RYR2: variants seen among roughly 807,000 people sequenced by gnomAD.
RYR2 encodes the protein ryanodine receptor 2, also known as cardiac muscle ryanodine receptor-calcium release channel.
Under a neutral mutation model 601.1 loss-of-function variants are expected in RYR2, and 227 were observed. The observed-to-expected ratio is 0.38, with a 90% CI of 0.34 to 0.42. The LOEUF (loss-of-function observed/expected upper bound fraction) is 0.42, where lower values mean the gene tolerates loss of function less well. RYR2 is among the 10% of genes least tolerant of loss of function. The probability of loss-of-function intolerance (pLI) is 1.00; values close to 1 mark genes in which losing one functional copy is unlikely to be tolerated. For synonymous variants in RYR2, 2,223 were observed against 2,175.1 expected (o/e 1.02, Z -0.61); for missense variants, 4,646 against 6,156.5 (o/e 0.75, Z 8.21).
intron 67 of RYR2, 94 bp downstream of exon 67, chr1:237,705,437 G>A: frequency 5.1e-6 from 5 of 987,248 alleles, no homozygotes; most frequent in Non-Finnish European, 4.5e-6. Flanking sequence ...AGCTCTTTCA[G>A]TTTACTATAT....
chr1:237,748,829 A>C (rs1314758843), intron 80 of RYR2, among the ~76,000 whole-genome samples: 1 of 152,186 alleles, frequency 6.6e-6, no homozygotes, highest in African/African-American at 2.4e-5. Context: ...ATATTCGAAA[A>C]AATATTTGCT....
intron 29 of RYR2, among the ~76,000 whole-genome samples, chr1:237,583,252 T>C (rs564393896): frequency 1.3e-5 from 2 of 152,268 alleles, no homozygotes; most frequent in East Asian, 1.9e-4. Context: ...CATGTTTTTT[T>C]GCCCATTTTT....
intron 4 of RYR2, among the ~76,000 whole-genome samples, chr1:237,357,755 T>C (rs1571963147): frequency 6.6e-6 from 1 of 152,330 alleles, no homozygotes; most frequent in Non-Finnish European, 1.5e-5. Flanking sequence ...TATAATCTTA[T>C]GTAGCCTCTT....
intron 3 of RYR2, among the ~76,000 whole-genome samples, chr1:237,345,407 G>T (rs927192829): frequency 4.0e-5 from 6 of 151,374 alleles, no homozygotes; most frequent in African/African-American, 1.5e-4. Flanking sequence ...CAAGGCTGAA[G>T]TGAGTGCTAC....
chr1:237,830,779 C>T, intron 103 of RYR2, 149 bp downstream of exon 103: 1 of 521,406 alleles, frequency 1.9e-6, no homozygotes, highest in Non-Finnish European at 3.4e-6. Flanking sequence ...TAATGGCTCT[C>T]TTTTCCTCTG....
At chr1:237,278,838 G>C (rs1690563397) in intron 2 of RYR2, among the ~76,000 whole-genome samples, 1 of 152,128 alleles carries the variant, frequency 6.6e-6, no homozygotes, top group Non-Finnish European at 1.5e-5. Flanking sequence ...GGACTTATTA[G>C]GGAATTGCTC....
Position 237,472,362 on chromosome 1 carries a change from T to C in RYR2, c.1708+3175T>C, listed in dbSNP as rs372453056. Among the ~76,000 whole-genome samples the C allele has an allele frequency of 3.9e-5, 6 of 152,264 alleles. No individual in the cohort carries two copies. In the South Asian group the frequency reaches 8.3e-4, roughly 21 times the overall value. ...GAAAAGGGATCAAAAGTAGGGTTAA[T>C]TGTCTTCCTGGGATCTAGACCATTC... On this transcript the variant is annotated intron_variant, in intron 17 of 104. Coordinates refer to ENST00000366574, the MANE Select transcript of RYR2 (RefSeq NM_001035.3).
At chr1:237,478,278 C>T (rs1012083272) in intron 17 of RYR2, among the ~76,000 whole-genome samples, 1 of 152,186 alleles carries the variant, frequency 6.6e-6, no homozygotes, top group South Asian at 2.1e-4. Flanking sequence ...AAGTCCAATC[C>T]CAGCTCCACC....
intron 25 of RYR2, among the ~76,000 whole-genome samples, chr1:237,531,548 A>G (rs1668140572): frequency 1.3e-5 from 2 of 152,180 alleles, no homozygotes; most frequent in Admixed American, 6.5e-5. Context: ...CATAATCTCT[A>G]TCAGTCACCT....
rs752684338 is a variant in RYR2 at position 237,614,184 on chromosome 1, C to T, written c.5056C>T (p.Leu1686Phe). ...LCSHVDEPQL[L>F]YAIENKYMPG... ...CAGCCATGTGGATGAACCTCAGCTC[C>T]TCTATGCCATTGAGAACAAGTACAT... Residue 1686 changes from leucine to phenylalanine, a missense_variant, in exon 37 of 105, where the codon CTC (leucine) becomes TTC (phenylalanine). Physicochemically the swap from Leu to Phe is conservative, Grantham distance 22 (BLOSUM62 0). This residue lies in a region of RYR2 where 1,807 missense variants were observed against 2,088.1 expected (regional missense o/e 0.87). Transcript: ENST00000366574. This position sits in a 1 kb window ranked among gnomAD's most constrained non-coding sequence, Gnocchi z 4.3. 16 of 1,613,904 alleles carry T rather than the reference C, an allele frequency of 9.9e-6. No individual in the cohort carries two copies. The highest frequency in any genetic ancestry group is 1.4e-5 in the Non-Finnish European group (16 of 1,179,902).
At chr1:237,804,042 TAA>T (rs1256183533) in intron 98 of RYR2, among the ~76,000 whole-genome samples, 2 of 152,102 alleles carry the variant, frequency 1.3e-5, no homozygotes, top group Admixed American at 6.5e-5. Context: ...CTTGCTAAAA[TAA>T]AAAAGAGACC....
chr1:237,187,231 C>T (rs886104807), intron 1 of RYR2, among the ~76,000 whole-genome samples: 2 of 150,102 alleles, frequency 1.3e-5, no homozygotes, highest in South Asian at 2.1e-4. Flanking sequence ...AGTGCAGTGG[C>T]GTGATCTCAG....
At chr1:237,520,954 T>C (rs962020182) in intron 24 of RYR2, among the ~76,000 whole-genome samples, 2 of 152,054 alleles carry the variant, frequency 1.3e-5, no homozygotes, top group Non-Finnish European at 2.9e-5. Context: ...GGAGAATTGC[T>C]TTAACCTGGG....
chr1:237,199,973 T>G (rs1437915323), intron 1 of RYR2, among the ~76,000 whole-genome samples: 1 of 152,210 alleles, frequency 6.6e-6, no homozygotes, highest in Non-Finnish European at 1.5e-5. Flanking sequence ...TTATAATATT[T>G]CTGTAGTACT....
intron 25 of RYR2, among the ~76,000 whole-genome samples, chr1:237,545,153 C>T (rs953264728): frequency 5.3e-5 from 8 of 152,174 alleles, no homozygotes; most frequent in African/African-American, 1.9e-4. Flanking sequence ...AATGCATCTC[C>T]ATAAGTTTTC....
intron 90 of RYR2, among the ~76,000 whole-genome samples, chr1:237,785,532 A>G (rs12074927): frequency 1.3e-5 from 2 of 152,232 alleles, no homozygotes; most frequent in Non-Finnish European, 2.9e-5. Flanking sequence ...ACTAACACAC[A>G]TGAAGAAACT....
At chr1:237,312,392 G>A (rs949842114) in intron 2 of RYR2, among the ~76,000 whole-genome samples, 3 of 152,150 alleles carry the variant, frequency 2.0e-5, no homozygotes, top group Non-Finnish European at 4.4e-5. Flanking sequence ...CTGTCTTCTT[G>A]TAATCTTGTG....
At chr1:237,341,522 G>C in intron 3 of RYR2, 1 of 389,580 alleles carries the variant, frequency 2.6e-6, no homozygotes. Flanking sequence ...CTATGTATTC[G>C]CGGTCTGTTT....
At chr1:237,308,629 G>A (rs927193581) in intron 2 of RYR2, among the ~76,000 whole-genome samples, 1 of 152,164 alleles carries the variant, frequency 6.6e-6, no homozygotes, top group Non-Finnish European at 1.5e-5. Flanking sequence ...TCTTCCTTCT[G>A]GTGGATTCCT....
Sources: gnomAD v4.1 joint callset for allele counts (sites outside exome capture counted in the v4.1 genomes callset) on GRCh38, gnomAD v4.1.1 for gene constraint, gnomAD v4.1.1 regional missense constraint, Gnocchi (gnomAD v3.1) non-coding constraint, MANE v1.5 for transcripts, NCBI Gene and HGNC (gene_info 2026-07-23, HGNC 2026-07-21) for gene names.